The following DIP2C variants were observed in gnomAD, a reference collection of about 807,000 sequenced individuals.
DIP2C encodes DIP2 acetate--CoA ligase C (putative).
DIP2C carries 33 observed loss-of-function variants against 192.4 expected under a neutral mutation model. The ratio of observed to expected loss-of-function variants is 0.17; its 90% confidence interval spans 0.13 to 0.23. The LOEUF (loss-of-function observed/expected upper bound fraction) is 0.23. Among genes scored for constraint, DIP2C ranks in the 10% least tolerant of loss-of-function variants. The pLI is 1.00. For missense variants in DIP2C, 1,537 were observed against 2,110.1 expected, an observed-to-expected ratio of 0.73 and a Z score of 5.32; for synonymous variants, 979 against 864.1, an observed-to-expected ratio of 1.13 and a Z score of -2.33.
intron 31 of DIP2C, among the ~76,000 whole-genome samples, chr10:315,430 G>T (rs1956736137): frequency 6.6e-6 from 1 of 152,068 alleles, no homozygotes; most frequent in African/African-American, 2.4e-5. Flanking sequence ...GATTCTCTAG[G>T]TTGGCTAAGT....
intron 2 of DIP2C, among the ~76,000 whole-genome samples, chr10:480,363 TC>T (rs1332594929): frequency 2.9e-5 from 4 of 138,964 alleles, no homozygotes; most frequent in Non-Finnish European, 4.6e-5. Context: ...CAGCCTGAGC[TC>T]CGGTCCATGC....
intron 3 of DIP2C, among the ~76,000 whole-genome samples, chr10:471,724 T>A (rs1055435155): frequency 2.0e-5 from 3 of 152,216 alleles, no homozygotes; most frequent in African/African-American, 7.2e-5. Flanking sequence ...TCTCTCAGAA[T>A]AATTCAAACA....
chr10:345,381 T>G (rs568676414), intron 26 of DIP2C, among the ~76,000 whole-genome samples: 1 of 152,074 alleles, frequency 6.6e-6, no homozygotes, highest in African/African-American at 2.4e-5. Context: ...AGAAAAGAGC[T>G]CACTGCTCAC....
At chr10:503,588 G>A (rs887780255) in intron 1 of DIP2C, among the ~76,000 whole-genome samples, 3 of 152,192 alleles carry the variant, frequency 2.0e-5, no homozygotes, top group African/African-American at 4.8e-5. Flanking sequence ...TCCAGGAGTC[G>A]TCACTGACAG....
intron 10 of DIP2C, 73 bp downstream of exon 10, chr10:399,036 A>C (rs1426914098): frequency 5.3e-6 from 7 of 1,327,884 alleles, no homozygotes; most frequent in Non-Finnish European, 7.5e-6. Context: ...GGAGACCCTC[A>C]CCCAGCCGGG....
At chr10:403,831 A>C (rs1239265718) in intron 9 of DIP2C, among the ~76,000 whole-genome samples, 1 of 124,886 alleles carries the variant, frequency 8.0e-6, no homozygotes, top group Non-Finnish European at 1.7e-5. Flanking sequence ...TTTCATCAGC[A>C]CATGAATCCT....
At chr10:308,772 C>G (rs1956445026) in intron 32 of DIP2C, among the ~76,000 whole-genome samples, 1 of 152,204 alleles carries the variant, frequency 6.6e-6, no homozygotes, top group Admixed American at 6.5e-5. Flanking sequence ...GCCAGTGGTT[C>G]TGTCGACCAG....
In DIP2C at chr10:574,239, G is replaced by A. The variant is rs149280389; in HGVS notation, c.86-87709C>T. Among the ~76,000 whole-genome samples the A allele has an allele frequency of 3.3e-5, 5 of 152,038 alleles. No homozygotes were observed. The East Asian group carries it at 7.7e-4, about 23-fold the overall frequency. ...ATCTATAACTTAAGCTAGGAAATTG[G>A]GCATTTCACAAAGATTTTGCACAAT... is the stretch of plus-strand genomic sequence containing the variant. On this transcript the variant is annotated intron_variant, in intron 1 of 36. Transcript: ENST00000280886.
intron 18 of DIP2C, among the ~76,000 whole-genome samples, chr10:368,182 T>C (rs1439403465): frequency 5.9e-4 from 67 of 113,070 alleles, no homozygotes; most frequent in African/African-American, 2.1e-3. Context: ...CTCTCACTGC[T>C]GCACAGCCCC....
intron 2 of DIP2C, among the ~76,000 whole-genome samples, chr10:479,729 T>C (rs1843448030): frequency 6.6e-6 from 1 of 152,202 alleles, no homozygotes; most frequent in South Asian, 2.1e-4. Context: ...TATTATAATG[T>C]TTTAACTTGA....
intron 1 of DIP2C, among the ~76,000 whole-genome samples, chr10:594,021 G>A (rs190968532): frequency 7.9e-5 from 12 of 152,276 alleles, no homozygotes; most frequent in African/African-American, 2.9e-4. Context: ...ACCAATTCAG[G>A]GTGTGTTCAC....
intron 1 of DIP2C, among the ~76,000 whole-genome samples, chr10:564,714 G>C (rs868265164): frequency 6.6e-6 from 1 of 152,130 alleles, no homozygotes; most frequent in Non-Finnish European, 1.5e-5. Flanking sequence ...GAAGCATTCA[G>C]CATAGCGTCC....
chr10:345,300 G>C (rs1216001445), intron 26 of DIP2C, 190 bp from the exon 27 acceptor site: 2 of 694,410 alleles, frequency 2.9e-6, no homozygotes, highest in Non-Finnish European at 5.2e-6. Flanking sequence ...CACGGGGGCA[G>C]GGCATGCGGC....
Position 383,996 on chromosome 10 carries a change from T to G in DIP2C, c.1876+31A>C, listed in dbSNP as rs555811744. On this transcript the variant is annotated intron_variant, in intron 16 of 36. Transcript: ENST00000280886. ...AAAAAAAAAGACTCCACAGCCCGCC[T>G]GCCTCACGAGATCACACGCTCCTCA... 7.4e-6 allele frequency: 11 copies of G among 1,478,774 alleles called. No homozygotes were observed. The South Asian group carries it at 1.5e-4, about 20-fold the overall frequency. 91.6% of individuals were successfully genotyped at this position (1,478,774 alleles called of 1,614,324 possible). A position where few individuals can be genotyped will look rare whatever the true frequency, so the allele number is the denominator to read the frequency against.
intron 1 of DIP2C, chr10:665,617 G>C (rs1019747484): frequency 1.2e-4 from 18 of 152,108 alleles, no homozygotes; most frequent in Non-Finnish European, 2.1e-4. Context: ...CCATGCTTTC[G>C]CCGCCACGTG....
At chr10:306,073 T>C (rs1463540104) in intron 32 of DIP2C, among the ~76,000 whole-genome samples, 1 of 151,982 alleles carries the variant, frequency 6.6e-6, no homozygotes, top group East Asian at 1.9e-4. Context: ...GAGAGACTTA[T>C]GATTTCATTT....
At chr10:568,150 A>G (rs1849557075) in intron 1 of DIP2C, among the ~76,000 whole-genome samples, 1 of 152,192 alleles carries the variant, frequency 6.6e-6, no homozygotes, top group Non-Finnish European at 1.5e-5. Flanking sequence ...GAAACCACCA[A>G]GCCCCCAAAA....
chr10:296,406 A>ATGG (rs1244872410), intron 32 of DIP2C, among the ~76,000 whole-genome samples: 1 of 152,098 alleles, frequency 6.6e-6, no homozygotes, highest in Non-Finnish European at 1.5e-5. Flanking sequence ...TGGAGAGGGT[A>ATGG]TGGAGAAACA....
intron 4 of DIP2C, among the ~76,000 whole-genome samples, chr10:424,087 C>T (rs1281325498): frequency 1.3e-5 from 2 of 152,134 alleles, no homozygotes; most frequent in Non-Finnish European, 2.9e-5. Context: ...ATTTAAACTT[C>T]AATTTAAGAA....
Sources: allele counts gnomAD v4.1 joint callset (sites outside exome capture counted in the v4.1 genomes callset), GRCh38; gene constraint gnomAD v4.1.1; transcripts MANE v1.5; gene names NCBI Gene and HGNC (gene_info 2026-07-23, HGNC 2026-07-21).